SLC44A5: variants seen among roughly 807,000 people sequenced by gnomAD.
SLC44A5 encodes choline transporter-like protein 5.
Under a neutral mutation model 101.8 loss-of-function variants are expected in SLC44A5, and 57 were observed. That is an observed-to-expected ratio of 0.56 (90% CI 0.45 to 0.70). SLC44A5 has a LOEUF of 0.70. Among genes scored for constraint, SLC44A5 ranks in the 30% least tolerant of loss-of-function variants. The pLI is 0.00. For missense variants in SLC44A5, 737 were observed against 853.1 expected, an observed-to-expected ratio of 0.86 and a Z score of 1.70; for synonymous variants, 281 against 290.9, an observed-to-expected ratio of 0.97 and a Z score of 0.35.
chr1:75,690,736 G>A, the SLC44A5 span, among the ~76,000 whole-genome samples: 2,391 of 152,198 alleles, frequency 0.016, 72 homozygotes, highest in African/African-American at 0.053. Flanking sequence ...GACACTTCCA[G>A]GAACACCCAT....
chr1:75,679,397 G>A, the SLC44A5 span, among the ~76,000 whole-genome samples: 1 of 152,150 alleles, frequency 6.6e-6, no homozygotes, highest in East Asian at 1.9e-4. Flanking sequence ...AAGCCCATCA[G>A]ACTAACAGCG....
intron 2 of SLC44A5, among the ~76,000 whole-genome samples, chr1:75,462,680 AAG>A (rs1357095588): frequency 1.3e-5 from 2 of 152,072 alleles, no homozygotes; most frequent in African/African-American, 4.8e-5. Context: ...AAATTTAACA[AAG>A]AGATTGAAAT....
chr1:75,540,790 T>A (rs1671315494), intron 2 of SLC44A5, among the ~76,000 whole-genome samples: 1 of 152,210 alleles, frequency 6.6e-6, no homozygotes, highest in African/African-American at 2.4e-5. Flanking sequence ...AATAAACATT[T>A]GGTAAGTAAC....
intron 4 of SLC44A5, among the ~76,000 whole-genome samples, chr1:75,305,760 C>T (rs1654850919): frequency 1.3e-5 from 2 of 152,208 alleles, no homozygotes; most frequent in Non-Finnish European, 2.9e-5. Context: ...TCCATTTACT[C>T]TCAAAAAAGC....
the SLC44A5 span, among the ~76,000 whole-genome samples, chr1:75,697,701 C>T: frequency 0.044 from 6,718 of 152,262 alleles, 204 homozygotes; most frequent in African/African-American, 0.092. Context: ...GCGTGAGTGA[C>T]GCAGAAGACG....
chr1:75,364,503 T>TGATCCAATCATCTCCCACCAGGCCCCAC (rs1659722154), intron 3 of SLC44A5, among the ~76,000 whole-genome samples: 1 of 152,148 alleles, frequency 6.6e-6, no homozygotes, highest in African/African-American at 2.4e-5. Flanking sequence ...ATATGCCCCA[T>TGATCCAATCATCTCCCACCAGGCCCCAC]GATCCAATCA....
At chr1:75,689,334 C>A in the SLC44A5 span, among the ~76,000 whole-genome samples, 2 of 152,124 alleles carry the variant, frequency 1.3e-5, no homozygotes, top group African/African-American at 4.8e-5. Flanking sequence ...CCCAGATTTC[C>A]AAACTGGAAG....
At chr1:75,536,779 G>A (rs1211173786) in intron 2 of SLC44A5, among the ~76,000 whole-genome samples, 8 of 146,684 alleles carry the variant, frequency 5.5e-5, no homozygotes, top group African/African-American at 2.0e-4. Flanking sequence ...GGCCGAGGCG[G>A]GCGGATCACG....
intron 1 of SLC44A5, among the ~76,000 whole-genome samples, chr1:75,601,636 G>T (rs1409817904): frequency 6.6e-6 from 1 of 152,152 alleles, no homozygotes; most frequent in Non-Finnish European, 1.5e-5. Context: ...AAGCACTTCT[G>T]CAGGGACCAA....
intron 4 of SLC44A5, among the ~76,000 whole-genome samples, chr1:75,314,116 GA>G (rs1239559200): frequency 6.6e-6 from 1 of 152,110 alleles, no homozygotes. Context: ...ATACACTAGA[GA>G]AAAGTTTAAA....
intron 1 of SLC44A5, among the ~76,000 whole-genome samples, chr1:75,595,357 A>T (rs1356686535): frequency 6.6e-6 from 1 of 152,126 alleles, no homozygotes; most frequent in African/African-American, 2.4e-5. Flanking sequence ...TGCCCAAAGC[A>T]TACCAGATTT....
chr1:75,365,528 C>T (rs1341075588), intron 3 of SLC44A5, among the ~76,000 whole-genome samples: 1 of 152,172 alleles, frequency 6.6e-6, no homozygotes, highest in African/African-American at 2.4e-5. Context: ...CCAGAAATCC[C>T]ATTACTGGGT....
At chr1:75,313,459 G>A (rs955419608) in intron 4 of SLC44A5, among the ~76,000 whole-genome samples, 7 of 152,204 alleles carry the variant, frequency 4.6e-5, no homozygotes, top group Non-Finnish European at 4.4e-5. Context: ...GTTTTCTGCT[G>A]TGAATGTAGT....
intron 1 of SLC44A5, among the ~76,000 whole-genome samples, chr1:75,547,518 G>A (rs1671715500): frequency 6.6e-6 from 1 of 152,176 alleles, no homozygotes; most frequent in Admixed American, 6.6e-5. Context: ...AGAGGTGTAA[G>A]TGGTCCAGTC....
chr1:75,591,327 G>A (rs398450), intron 1 of SLC44A5, among the ~76,000 whole-genome samples: 1 of 151,860 alleles, frequency 6.6e-6, no homozygotes, highest in African/African-American at 2.4e-5. Context: ...CAAATGGCAC[G>A]CGTAAGTTCT....
intron 5 of SLC44A5, among the ~76,000 whole-genome samples, chr1:75,293,035 C>T (rs1208848111): frequency 6.6e-6 from 1 of 152,170 alleles, no homozygotes; most frequent in Non-Finnish European, 1.5e-5. Flanking sequence ...GTGAAGCTGA[C>T]TCACGTTTGT....
intron 12 of SLC44A5, 100 bp downstream of exon 12, chr1:75,233,886 A>T: frequency 1.2e-6 from 1 of 841,516 alleles, no homozygotes; most frequent in Non-Finnish European, 1.9e-6. Flanking sequence ...AAGAATAATT[A>T]GATCCACTGA....
chr1:75,673,956 A>G, the SLC44A5 span, among the ~76,000 whole-genome samples: 1 of 152,152 alleles, frequency 6.6e-6, no homozygotes, highest in Admixed American at 6.5e-5. Flanking sequence ...GGACAGGTAC[A>G]AACAGACTGC....
intron 4 of SLC44A5, among the ~76,000 whole-genome samples, chr1:75,301,252 T>C (rs1425683193): frequency 1.3e-5 from 2 of 152,216 alleles, no homozygotes; most frequent in Admixed American, 6.5e-5. Context: ...TTCTGTAAGC[T>C]ACACATTGTA....
Sources: allele counts gnomAD v4.1 joint callset (sites outside exome capture counted in the v4.1 genomes callset), GRCh38; gene constraint gnomAD v4.1.1; transcripts MANE v1.5; gene names NCBI Gene and HGNC (gene_info 2026-07-23, HGNC 2026-07-21).